The following SIN3A variants were observed in gnomAD, a reference collection of about 807,000 sequenced individuals.
SIN3A encodes the protein SIN3 transcription regulator family member A, also known as paired amphipathic helix protein Sin3a.
In SIN3A, 14 loss-of-function variants were observed where a neutral mutation model predicts 146.1. That is an observed-to-expected ratio of 0.10 (90% CI 0.06 to 0.15). The LOEUF is 0.15. Ranked by LOEUF, SIN3A falls within the 10% of genes least tolerant of loss-of-function variation. The pLI, the probability that SIN3A is intolerant of heterozygous loss-of-function variation, is 1.00. For synonymous variants in SIN3A, 572 were observed against 572.0 expected, an observed-to-expected ratio of 1.00 and a Z score of 0.00; for missense variants, 1,028 against 1,576.0, an observed-to-expected ratio of 0.65 and a Z score of 5.89.
chr15:75,452,475 G>C (rs1411369624), upstream of SIN3A, among the ~76,000 whole-genome samples: 1 of 152,218 alleles, frequency 6.6e-6, no homozygotes, highest in Admixed American at 6.5e-5. Context: ...CTTCCGTCCA[G>C]TTATCTTTAC....
intron 20 of SIN3A, among the ~76,000 whole-genome samples, chr15:75,374,814 C>A (rs374409170): frequency 2.6e-5 from 4 of 152,212 alleles, no homozygotes; most frequent in African/African-American, 9.7e-5. Context: ...CTTTGAGAAG[C>A]CTCCTCCAGT....
At chr15:75,378,239 G>A (rs1422438247) in intron 19 of SIN3A, among the ~76,000 whole-genome samples, 1 of 152,200 alleles carries the variant, frequency 6.6e-6, no homozygotes, top group South Asian at 2.1e-4. Context: ...GCCCACTGAT[G>A]TATAAATTGA....
intron 18 of SIN3A, chr15:75,381,139 A>T (rs1237515602): frequency 1.1e-5 from 2 of 179,968 alleles, no homozygotes; most frequent in Non-Finnish European, 2.4e-5. Flanking sequence ...TCCCACCAAA[A>T]CAAGTCATCC....
At chr15:75,422,623 C>A (rs2073858568) in intron 3 of SIN3A, 24 bp downstream of exon 3, 2 of 1,613,792 alleles carry the variant, frequency 1.2e-6, no homozygotes, top group African/African-American at 2.7e-5. Context: ...ATTTTTTGAC[C>A]CAAGAAAAAG....
intron 8 of SIN3A, among the ~76,000 whole-genome samples, chr15:75,409,353 C>G (rs1954928659): frequency 6.6e-6 from 1 of 152,154 alleles, no homozygotes; most frequent in Non-Finnish European, 1.5e-5. Flanking sequence ...TTCTAATACT[C>G]TTTTGCAAAG....
Position 75,400,082 on chromosome 15 carries a change from T to C in SIN3A, c.1812A>G (p.Gln604=), listed in dbSNP as rs752615780. The part of the protein sequence containing the change: ...DSTFVSSKKT[Q]YEEHIYRCED... Reference sequence around the variant, plus strand: ...CACAACGATAAATATGTTCTTCATATTGAGTCTTCTTGGAACTCACAAAGG... The same window carrying C: ...CACAACGATAAATATGTTCTTCATACTGAGTCTTCTTGGAACTCACAAAGG... The change falls in exon 12 of 21, where the codon CAA becomes CAG. Residue 604 remains glutamine, a synonymous_variant. Transcript: ENST00000394947. 1.1e-5 allele frequency: 17 copies of C among 1,611,642 alleles called. No individual in the cohort carries two copies. Among genetic ancestry groups the C allele is most frequent in the African/African-American group, 1.3e-5 (1 of 74,848 alleles).
At chr15:75,399,719 G>A (rs1334535319) in intron 12 of SIN3A, among the ~76,000 whole-genome samples, 2 of 152,158 alleles carry the variant, frequency 1.3e-5, no homozygotes, top group Non-Finnish European at 1.5e-5. Flanking sequence ...TAAACCTTAG[G>A]ATACTGATTT....
chr15:75,443,158 G>A (rs893719047), intron 1 of SIN3A, among the ~76,000 whole-genome samples: 4 of 151,914 alleles, frequency 2.6e-5, no homozygotes, highest in Admixed American at 6.6e-5. Flanking sequence ...TAACTTTACC[G>A]TCATCCTAAC....
intron 14 of SIN3A, among the ~76,000 whole-genome samples, chr15:75,394,442 G>A (rs2073265865): frequency 6.6e-6 from 1 of 152,188 alleles, no homozygotes; most frequent in African/African-American, 2.4e-5. Context: ...GAGGCAGGAG[G>A]TATAAGTTGA....
chr15:75,375,676 G>A lies in SIN3A; in HGVS notation c.3580C>T (p.Arg1194Trp), dbSNP rs1401663709. Residue 1194 changes from arginine (R) to tryptophan (W), a missense_variant, in exon 20 of 21, where the codon CGG (arginine) becomes TGG (tryptophan). Coordinates refer to ENST00000394947, the MANE Select transcript of SIN3A (RefSeq NM_001145358.2). Reference sequence around the variant, plus strand: ...TTACTGGTTCTCACCTGATGAGCCCGGAGCAGGGCGGTCCTCCGATACATA... The same window carrying A: ...TTACTGGTTCTCACCTGATGAGCCCAGAGCAGGGCGGTCCTCCGATACATA... ...DYMYRRTALL[R>W]AHQSHERVSK... 6.2e-7 allele frequency: 1 copy of A among 1,613,850 alleles called. No homozygotes were observed. Among genetic ancestry groups the A allele is most frequent in the Non-Finnish European group, 8.5e-7 (1 of 1,179,874 alleles).
intron 15 of SIN3A, among the ~76,000 whole-genome samples, chr15:75,390,429 T>C (rs996309693): frequency 8.5e-5 from 13 of 152,244 alleles, no homozygotes; most frequent in African/African-American, 3.1e-4. Flanking sequence ...TCATCTGTAG[T>C]TGCTGCACAT....
At position 75,407,111 on chromosome 15, in the gene SIN3A, A is replaced by C; in HGVS notation, c.1351T>G (p.Ser451Ala). 2 of 1,612,928 alleles carry C rather than the reference A, an allele frequency of 1.2e-6. No individual in the cohort carries two copies. The highest frequency in any genetic ancestry group is 1.7e-6 in the Non-Finnish European group (2 of 1,179,446). The change falls in exon 9 of 21, where the codon TCT becomes GCT. Residue 451 changes from serine (S) to alanine (A), a missense_variant. This residue lies in a region of SIN3A where 62 missense variants were observed against 63.5 expected (regional missense o/e 0.98). Transcript: ENST00000394947. ...KPKLLNLKDSSMADASKHGGG... is the reference protein window; with the variant it reads ...KPKLLNLKDSAMADASKHGGG... ...CCATGTTTGCTGGCATCTGCCATAG[A>C]AGAATCCTTCAGATTGAGCAGTTTG...
Position 75,376,774 on chromosome 15 carries a change from C to G in SIN3A, c.3384-902G>C, listed in dbSNP as rs531706720. Among the ~76,000 whole-genome samples the G allele has an allele frequency of 5.4e-5, 8 of 148,902 alleles. No individual in the cohort carries two copies. The East Asian group carries it at 6.0e-4, about 11-fold the overall frequency. On this transcript the variant is annotated intron_variant, in intron 19 of 20. Transcript: ENST00000394947. ...ACTTGGGAGGCTGAGGTGGGAAGAT[C>G]GTTTGAGCCCAGAAGGCGGAGGTTG...
intron 2 of SIN3A, among the ~76,000 whole-genome samples, chr15:75,425,458 G>A (rs574884254): frequency 1.7e-3 from 262 of 152,298 alleles, no homozygotes; most frequent in African/African-American, 5.8e-3. Context: ...GTGAGCCACC[G>A]CGCCTGGCCT....
At chr15:75,378,164 T>G (rs1239603962) in intron 19 of SIN3A, among the ~76,000 whole-genome samples, 2 of 152,130 alleles carry the variant, frequency 1.3e-5, no homozygotes, top group Non-Finnish European at 2.9e-5. Context: ...TACAAAATCA[T>G]AGAGGAAAAA....
At chr15:75,389,894 C>A in intron 15 of SIN3A, 73 bp from the exon 16 acceptor site, 1 of 1,425,850 alleles carries the variant, frequency 7.0e-7, no homozygotes, top group Non-Finnish European at 9.7e-7. Flanking sequence ...AGGGCAAATC[C>A]CACAGCTGGC....
At chr15:75,425,103 T>C (rs897046796) in intron 2 of SIN3A, among the ~76,000 whole-genome samples, 5 of 152,220 alleles carry the variant, frequency 3.3e-5, no homozygotes, top group African/African-American at 7.2e-5. Context: ...TTTCAAACCT[T>C]AGACAACTAA....
intron 2 of SIN3A, among the ~76,000 whole-genome samples, chr15:75,425,443 C>CCA (rs746746665): frequency 3.3e-4 from 50 of 152,346 alleles, no homozygotes; most frequent in African/African-American, 1.2e-3. Context: ...GCTGGGATTA[C>CCA]AGGTGTGAGC....
At chr15:75,448,973 A>T (rs767678342) in intron 1 of SIN3A, among the ~76,000 whole-genome samples, 1 of 152,228 alleles carries the variant, frequency 6.6e-6, no homozygotes, top group African/African-American at 2.4e-5. Flanking sequence ...ACAAAATTAT[A>T]GTATATAAAA....
Sources: gnomAD v4.1 joint callset for allele counts (sites outside exome capture counted in the v4.1 genomes callset) on GRCh38, gnomAD v4.1.1 for gene constraint, gnomAD v4.1.1 regional missense constraint, MANE v1.5 for transcripts, NCBI Gene and HGNC (gene_info 2026-07-23, HGNC 2026-07-21) for gene names.